Variants in MBOAT1 observed in about 807,000 individuals in gnomAD.
MBOAT1 encodes the protein membrane bound glycerophospholipid O-acyltransferase 1.
Under a neutral mutation model 64.4 loss-of-function variants are expected in MBOAT1, and 67 were observed. That is an observed-to-expected ratio of 1.04 (90% CI 0.85 to 1.27). The LOEUF is 1.27. Ranked by LOEUF, MBOAT1 falls within the 50% of genes most tolerant of loss-of-function variation. The pLI is 0.00. For missense variants in MBOAT1, 563 were observed against 604.6 expected (o/e 0.93, Z 0.72); for synonymous variants, 229 against 218.9 (o/e 1.05, Z -0.41).
chr6:20,201,577 T>G (rs1763124281), intron 1 of MBOAT1, among the ~76,000 whole-genome samples: 1 of 148,310 alleles, frequency 6.7e-6, no homozygotes, highest in South Asian at 2.2e-4. Flanking sequence ...TCTAATCAGA[T>G]AAGTGATTTT....
At chr6:20,119,462 C>T (rs1561749448) in intron 8 of MBOAT1, among the ~76,000 whole-genome samples, 1 of 152,132 alleles carries the variant, frequency 6.6e-6, no homozygotes, top group Non-Finnish European at 1.5e-5. Context: ...AGTGATAGCA[C>T]TGTGAAATCT....
At chr6:20,204,806 C>T (rs760375455) in intron 1 of MBOAT1, among the ~76,000 whole-genome samples, 6 of 152,200 alleles carry the variant, frequency 3.9e-5, no homozygotes, top group Admixed American at 2.0e-4. Context: ...ACCAGGAGCA[C>T]GGCCTCCAGT....
chr6:20,102,877 C>G (rs7773442), intron 12 of MBOAT1, among the ~76,000 whole-genome samples: 77 of 152,102 alleles, frequency 5.1e-4, no homozygotes, highest in Non-Finnish European at 1.0e-3. Flanking sequence ...CTAGTGACGT[C>G]GTAGCCATCG....
chr6:20,160,581 A>G (rs1477482512), intron 1 of MBOAT1, among the ~76,000 whole-genome samples: 1 of 152,244 alleles, frequency 6.6e-6, no homozygotes, highest in Admixed American at 6.5e-5. Context: ...ACTGCTTAAT[A>G]ACAAGAAAAT....
intron 7 of MBOAT1, among the ~76,000 whole-genome samples, chr6:20,125,219 T>C (rs1020091422): frequency 2.0e-5 from 3 of 152,206 alleles, no homozygotes; most frequent in Non-Finnish European, 4.4e-5. Context: ...TTTCAAGGAA[T>C]GTCCTTCAAC....
chr6:20,164,273 G>A (rs1268591001), intron 1 of MBOAT1, among the ~76,000 whole-genome samples: 1 of 151,896 alleles, frequency 6.6e-6, no homozygotes, highest in Non-Finnish European at 1.5e-5. Flanking sequence ...TGGGCCTGGA[G>A]TCACCTTCTT....
At chr6:20,166,451 AG>A (rs1646009592) in intron 1 of MBOAT1, among the ~76,000 whole-genome samples, 1 of 152,088 alleles carries the variant, frequency 6.6e-6, no homozygotes, top group African/African-American at 2.4e-5. Context: ...TGCTAAATTG[AG>A]AAGAGACACT....
At chr6:20,183,034 C>T (rs1762553701) in intron 1 of MBOAT1, among the ~76,000 whole-genome samples, 1 of 152,156 alleles carries the variant, frequency 6.6e-6, no homozygotes, top group East Asian at 1.9e-4. Flanking sequence ...GCTCTTCAGA[C>T]AGAGAAGCTC....
At chr6:20,179,321 T>C (rs189935633) in intron 1 of MBOAT1, among the ~76,000 whole-genome samples, 1 of 152,154 alleles carries the variant, frequency 6.6e-6, no homozygotes, top group Non-Finnish European at 1.5e-5. Context: ...AAATCTGAAT[T>C]AAGCCCCATT....
At chr6:20,123,959 A>C (rs1416823092) in intron 8 of MBOAT1, among the ~76,000 whole-genome samples, 1 of 152,164 alleles carries the variant, frequency 6.6e-6, no homozygotes, top group Non-Finnish European at 1.5e-5. Context: ...TGGGAGGCTG[A>C]GGCAGGAGAA....
chr6:20,101,205 G>C lies in MBOAT1; in HGVS notation c.*1081C>G, dbSNP rs1159831473. Among the ~76,000 whole-genome samples the C allele has an allele frequency of 2.0e-5, 3 of 152,208 alleles. No individual in the cohort carries two copies. The East Asian group carries it at 5.8e-4, about 29-fold the overall frequency. ...TGCCTTTCTGAGGCATGAACATTTG[G>C]GTGTCTTCTCAAGACCAACCCCGGG... On this transcript the variant is annotated 3_prime_UTR_variant, in exon 13 of 13. Coordinates refer to ENST00000324607, the MANE Select transcript of MBOAT1 (RefSeq NM_001080480.3).
rs989904564 is a variant in MBOAT1, at chr6:20,212,439, T to A, written c.-205A>T. ...CGAGGCGCAAACTTGGCTTTGGCGC[T>A]GGCGCTGCAGCCACGGGCGCCGTAG... On this transcript the variant is annotated 5_prime_UTR_variant, in exon 1 of 13. Transcript: ENST00000324607. The A allele has an allele frequency of 5.2e-6, 3 of 572,850 alleles. No homozygotes were observed. The highest frequency in any genetic ancestry group is 9.2e-6 in the Non-Finnish European group (3 of 326,680). 35.5% of individuals were successfully genotyped at this position (572,850 alleles called of 1,614,324 possible).
At chr6:20,123,316 C>A (rs539298527) in intron 8 of MBOAT1, among the ~76,000 whole-genome samples, 2 of 152,098 alleles carry the variant, frequency 1.3e-5, no homozygotes, top group Non-Finnish European at 2.9e-5. Flanking sequence ...ATTTAATAAG[C>A]CAAGTCACTG....
chr6:20,148,381 G>A lies in MBOAT1; in HGVS notation c.323+2804C>T, dbSNP rs77054379. Among the ~76,000 whole-genome samples the A allele has an allele frequency of 2.9e-3, 438 of 152,196 alleles. 3 individuals are homozygous for A. Among genetic ancestry groups the A allele is most frequent in the African/African-American group, 9.8e-3 (405 of 41,510 alleles). ...GCAGACAAGCCAAGACCACGCTATC[G>A]CACTATAGCCTGGGCAACAGAGTGA... On this transcript the variant is annotated intron_variant, in intron 3 of 12. Coordinates refer to ENST00000324607, the MANE Select transcript of MBOAT1 (RefSeq NM_001080480.3).
chr6:20,206,387 T>C (rs1007868483), intron 1 of MBOAT1, among the ~76,000 whole-genome samples: 6 of 152,210 alleles, frequency 3.9e-5, no homozygotes, highest in African/African-American at 1.4e-4. Context: ...TTGGCCAGGC[T>C]GGTCTCAAAC....
At chr6:20,165,462 A>G (rs907913651) in intron 1 of MBOAT1, among the ~76,000 whole-genome samples, 3 of 152,082 alleles carry the variant, frequency 2.0e-5, no homozygotes, top group Non-Finnish European at 4.4e-5. Flanking sequence ...TGAATAGTGG[A>G]CTGGGTGCAA....
At chr6:20,107,093 A>G (rs1294080441) in intron 12 of MBOAT1, among the ~76,000 whole-genome samples, 1 of 152,150 alleles carries the variant, frequency 6.6e-6, no homozygotes, top group African/African-American at 2.4e-5. Flanking sequence ...CACTACTGAT[A>G]TTGCTATTAA....
At chr6:20,156,934 C>T (rs1319784401) in intron 1 of MBOAT1, among the ~76,000 whole-genome samples, 1 of 152,100 alleles carries the variant, frequency 6.6e-6, no homozygotes, top group Non-Finnish European at 1.5e-5. Flanking sequence ...GGTTAACAGG[C>T]AACCTACAGA....
chr6:20,188,331 C>T (rs1159520023), intron 1 of MBOAT1, among the ~76,000 whole-genome samples: 6 of 152,166 alleles, frequency 3.9e-5, no homozygotes, highest in Non-Finnish European at 8.8e-5. Flanking sequence ...CCATACCATA[C>T]ATAGCATACT....
Sources: allele counts gnomAD v4.1 joint callset (sites outside exome capture counted in the v4.1 genomes callset), GRCh38; gene constraint gnomAD v4.1.1; transcripts MANE v1.5; gene names NCBI Gene and HGNC (gene_info 2026-07-23, HGNC 2026-07-21).